Variants in GNL1 observed in about 807,000 individuals in gnomAD.
GNL1 encodes the protein guanine nucleotide-binding protein-like 1.
In GNL1, 21 loss-of-function variants were observed where a neutral mutation model predicts 75.2. That is an observed-to-expected ratio of 0.28 (90% CI 0.20 to 0.40). The LOEUF is 0.40. GNL1 is among the 10% of genes least tolerant of loss of function. The pLI, the probability that GNL1 is intolerant of heterozygous loss-of-function variation, is 1.00. For synonymous variants in GNL1, 287 were observed against 303.4 expected, an observed-to-expected ratio of 0.95 and a Z score of 0.56; for missense variants, 579 against 775.0, an observed-to-expected ratio of 0.75 and a Z score of 3.00.
At position 30,547,687 on chromosome 6, in the gene GNL1, G is replaced by A; in HGVS notation, c.1100-157C>T. 1.6e-6 allele frequency: 1 copy of A among 642,660 alleles called. No homozygotes were observed. Among genetic ancestry groups the A allele is most frequent in the Non-Finnish European group, 2.6e-6 (1 of 380,004 alleles). The allele number at this position is 642,660 out of a possible 1,614,324, so 39.8% of individuals were successfully genotyped here. On this transcript the variant is annotated intron_variant, in intron 8 of 11. Transcript: ENST00000376621. The surrounding 1 kb of genome is among the most constrained non-coding windows in gnomAD (Gnocchi z 5.5). ...CTCTGGGCTGCCAGGGTTAAATCCT[G>A]GCCCTTCCACTTACCAGCTTTGTGA...
In GNL1 at chr6:30,555,038, G is replaced by A. The variant is rs1403878514; in HGVS notation, c.376+17C>T. On this transcript the variant is annotated intron_variant, in intron 3 of 11. Transcript: ENST00000376621. This position sits in a 1 kb window ranked among gnomAD's most constrained non-coding sequence, Gnocchi z 4.3. ...AAACTCCTTCCCCAGCCCAATGCCT[G>A]TCTTGCTCTCACTCACCTGAGCCAG... 6.2e-7 allele frequency: 1 copy of A among 1,612,736 alleles called. No individual in the cohort carries two copies. Among genetic ancestry groups the A allele is most frequent in the Non-Finnish European group, 8.5e-7 (1 of 1,179,980 alleles).
chr6:30,544,751 T>C lies in GNL1; in HGVS notation c.*1321A>G, dbSNP rs1185538566. ...TTTAAATATACTTTCCTTTGCTCCT[T>C]GGTTAACAGGGTCTGTCTGCTCGCA... On this transcript the variant is annotated 3_prime_UTR_variant, in exon 12 of 12. Transcript: ENST00000376621. 1 of 152,296 alleles carries C rather than the reference T, an allele frequency of 6.6e-6. No individual in the cohort carries two copies. Among genetic ancestry groups the C allele is most frequent in the African/African-American group, 2.4e-5 (1 of 41,564 alleles). 9.4% of individuals were successfully genotyped at this position (152,296 alleles called of 1,614,324 possible).
rs1414331571 is a variant in GNL1, at chr6:30,543,196, G to GT, written c.*2875dup. 6.6e-6 allele frequency: 1 copy of GT among 152,126 alleles called. No individual in the cohort carries two copies. The highest frequency in any genetic ancestry group is 1.5e-5 in the Non-Finnish European group (1 of 68,040). 9.4% of individuals were successfully genotyped at this position (152,126 alleles called of 1,614,324 possible). A position where few individuals can be genotyped will look rare whatever the true frequency, so the allele number is the denominator to read the frequency against. ...CACAGACTACTGATTTTTTGTGTTTGTTTTGTTTTGGCAGTCTGACATAAC... is the reference window on the plus strand; with the variant it reads ...CACAGACTACTGATTTTTTGTGTTTGTTTTTGTTTTGGCAGTCTGACATAAC... On this transcript the variant is annotated 3_prime_UTR_variant, in exon 12 of 12. Transcript: ENST00000376621.
Position 30,546,094 on chromosome 6 carries a change from A to G in GNL1, c.1802T>C (p.Leu601Pro), listed in dbSNP as rs1212102297. The G allele has an allele frequency of 6.3e-7, 1 of 1,586,042 alleles. No individual in the cohort carries two copies. Among genetic ancestry groups the G allele is most frequent in the Non-Finnish European group, 8.6e-7 (1 of 1,166,990 alleles). Residue 601 changes from leucine to proline, a missense_variant, in exon 12 of 12, where the codon CTG (leucine) becomes CCG (proline). Physicochemically the swap from Leu to Pro is moderately conservative, Grantham distance 98. Transcript: ENST00000376621. This position sits in a 1 kb window ranked among gnomAD's most constrained non-coding sequence, Gnocchi z 5.1. ...SSLAGRNPYA[L>P]LGEDEC is the part of the protein sequence containing the mutation. Reference sequence around the variant, plus strand: ...AACTCAGCACTCATCCTCACCCAGCAGGGCATAAGGGTTTCGGCCAGCCAG... The same window carrying G: ...AACTCAGCACTCATCCTCACCCAGCGGGGCATAAGGGTTTCGGCCAGCCAG...
At position 30,555,465 on chromosome 6, in the gene GNL1, C is replaced by T; in HGVS notation, c.239+90G>A. 1 of 1,308,262 alleles carries T rather than the reference C, an allele frequency of 7.6e-7. No homozygotes were observed. Among genetic ancestry groups the T allele is most frequent in the Non-Finnish European group, 1.1e-6 (1 of 937,384 alleles). 81.0% of individuals were successfully genotyped at this position (1,308,262 alleles called of 1,614,324 possible). ...GAGAACTGTGGCATCCCAGGCCCAC[C>T]GTCTTCACCAGTAGCAGCCCGCTTT... On this transcript the variant is annotated intron_variant, in intron 2 of 11. Coordinates refer to ENST00000376621, the MANE Select transcript of GNL1 (RefSeq NM_005275.5). The surrounding 1 kb of genome is among the most constrained non-coding windows in gnomAD (Gnocchi z 4.3).
In GNL1 at chr6:30,556,123, G is replaced by A. The variant is rs1451000278; in HGVS notation, c.73+8C>T. The stretch of plus-strand genomic sequence containing the variant: ...AGCCCCGCCCCCTCCTCCCGCTCCC[G>A]CACTGACCTCTCTTCCGCTCCCGTT... On this transcript the variant is annotated splice_region_variant and intron_variant, in intron 1 of 11. Transcript: ENST00000376621. This position sits in a 1 kb window ranked among gnomAD's most constrained non-coding sequence, Gnocchi z 5.7. 1.9e-6 allele frequency: 3 copies of A among 1,598,714 alleles called. No homozygotes were observed. Among genetic ancestry groups the A allele is most frequent in the Non-Finnish European group, 1.7e-6 (2 of 1,175,298 alleles).
chr6:30,555,791 C>G lies in GNL1; in HGVS notation c.74-71G>C. ...GCCATAAGACCCTCTCCCCCATCGG[C>G]CTGACTCCCTTTCATCCCACTCAAC... On this transcript the variant is annotated intron_variant, in intron 1 of 11. Transcript: ENST00000376621. This position sits in a 1 kb window ranked among gnomAD's most constrained non-coding sequence, Gnocchi z 4.3. 1 of 1,478,422 alleles carries G rather than the reference C, an allele frequency of 6.8e-7. No homozygotes were observed. The highest frequency in any genetic ancestry group is 1.2e-5 in the South Asian group (1 of 83,806). 91.6% of individuals were successfully genotyped at this position (1,478,422 alleles called of 1,614,324 possible).
chr6:30,553,056 C>T (rs1310993867), intron 7 of GNL1, 28 bp downstream of exon 7: 4 of 1,480,066 alleles, frequency 2.7e-6, no homozygotes, highest in Non-Finnish European at 3.8e-6. Flanking sequence ...CCATGTCCTC[C>T]TACAGCCCTC....
At position 30,547,159 on chromosome 6, in the gene GNL1, T is replaced by C. The variant is rs1326441404; in HGVS notation, c.1394A>G (p.Glu465Gly). The C allele has an allele frequency of 1.2e-6, 2 of 1,612,976 alleles. No individual in the cohort carries two copies. Among genetic ancestry groups the C allele is most frequent in the Non-Finnish European group, 1.7e-6 (2 of 1,179,898 alleles). ...CCAGGGGTGTTCCGCTGAGGGGTCC[T>C]CAGCCTCTGGGTGGCGCAGGTGGAG... ...ALLHLRHPEAEDPSAEHPWCA... is the reference protein window; with the variant it reads ...ALLHLRHPEAGDPSAEHPWCA... Residue 465 changes from glutamate (E) to glycine (G), a missense_variant, in exon 10 of 12, where the codon GAG (glutamate) becomes GGG (glycine). Transcript: ENST00000376621. This position sits in a 1 kb window ranked among gnomAD's most constrained non-coding sequence, Gnocchi z 5.5.
rs1800181034 is a variant in GNL1, at chr6:30,556,261, G to GC, written c.-59dup. ...CGAGCTCCCGCCGCCTCAACTGACT[G>GC]CCCCCCGGGGCAGCCCCCGCCGCAG... On this transcript the variant is annotated 5_prime_UTR_variant, in exon 1 of 12. Transcript: ENST00000376621. The surrounding 1 kb of genome is among the most constrained non-coding windows in gnomAD (Gnocchi z 5.7). 21 of 1,543,618 alleles carry GC rather than the reference G, an allele frequency of 1.4e-5. No individual in the cohort carries two copies. Among genetic ancestry groups the GC allele is most frequent in the Middle Eastern group, 1.9e-4 (1 of 5,182 alleles).
At chr6:30,549,630 G>C (rs1283675901) in intron 8 of GNL1, among the ~76,000 whole-genome samples, 1 of 152,102 alleles carries the variant, frequency 6.6e-6, no homozygotes, top group Non-Finnish European at 1.5e-5. Context: ...TGGCCTGTCA[G>C]CAACAGTTGA....
chr6:30,553,300 C>T, intron 6 of GNL1, 50 bp downstream of exon 6: 3 of 1,517,816 alleles, frequency 2.0e-6, no homozygotes, highest in Non-Finnish European at 2.7e-6. Flanking sequence ...TCCCCTTTGT[C>T]CCCTGCCAAC....
chr6:30,546,531 A>G lies in GNL1; in HGVS notation c.1582+165T>C, dbSNP rs758708190. The G allele has an allele frequency of 3.3e-5, 23 of 706,894 alleles. No homozygotes were observed. In the Middle Eastern group the frequency reaches 9.7e-4, roughly 30 times the overall value. 43.8% of individuals were successfully genotyped at this position (706,894 alleles called of 1,614,324 possible). On this transcript the variant is annotated intron_variant, in intron 11 of 11. Coordinates refer to ENST00000376621, the MANE Select transcript of GNL1 (RefSeq NM_005275.5). The surrounding 1 kb of genome is among the most constrained non-coding windows in gnomAD (Gnocchi z 5.1). ...CTTTACAATCACTATGCTAAGGGTC[A>G]ATTATTACCCTCAGTTTGCAGATCA...
chr6:30,546,800 G>T lies in GNL1; in HGVS notation c.1478C>A (p.Ala493Glu). 1 of 1,593,396 alleles carries T rather than the reference G, an allele frequency of 6.3e-7. No homozygotes were observed. Among genetic ancestry groups the T allele is most frequent in the Non-Finnish European group, 8.6e-7 (1 of 1,164,794 alleles). ...AEKRGYKTAK[A>E]ARNDVYRAAN... ...TGCTCTGTACACATCATTCCGAGCC[G>T]CCTTGGCTGTCTTGTAACCACGTTT... The change falls in exon 11 of 12, where the codon GCG becomes GAG. Residue 493 changes from alanine (A) to glutamate (E), a missense_variant. By Grantham distance (107) the Ala-to-Glu change is moderately radical. Coordinates refer to ENST00000376621, the MANE Select transcript of GNL1 (RefSeq NM_005275.5). The surrounding 1 kb of genome is among the most constrained non-coding windows in gnomAD (Gnocchi z 5.1).
chr6:30,550,597 C>A (rs1484860075), intron 8 of GNL1, among the ~76,000 whole-genome samples: 1 of 152,142 alleles, frequency 6.6e-6, no homozygotes. Flanking sequence ...CACCCCCCAT[C>A]ATTTATTCTC....
At position 30,553,118 on chromosome 6, in the gene GNL1, C is replaced by T. The variant is rs1323970151; in HGVS notation, c.870G>A (p.Leu290=). Residue 290 remains leucine (L), a synonymous_variant, in exon 7 of 12, where the codon TTG becomes TTA. Transcript: ENST00000376621. Reference sequence around the variant, plus strand: ...CAGTGATGGCTTCACAGGCTCTCAGCAACTGCTCTGGCCCCAGGGCCCGAG... The same window carrying T: ...CAGTGATGGCTTCACAGGCTCTCAGTAACTGCTCTGGCCCCAGGGCCCGAG... ...GWTRALGPEQ[L]LRACEAITVG... 5.0e-6 allele frequency: 8 copies of T among 1,613,794 alleles called. No individual in the cohort carries two copies. The highest frequency in any genetic ancestry group is 1.3e-5 in the African/African-American group (1 of 74,926).
rs147799514 is a variant in GNL1 at position 30,547,175 on chromosome 6, G to A, written c.1378C>T (p.Arg460Cys). 12 of 1,612,948 alleles carry A rather than the reference G, an allele frequency of 7.4e-6. No homozygotes were observed. Among genetic ancestry groups the A allele is most frequent in the Non-Finnish European group, 9.3e-6 (11 of 1,179,690 alleles). Reference sequence around the variant, plus strand: ...GAGGGGTCCTCAGCCTCTGGGTGGCGCAGGTGGAGCAGGGCCTGCACGGGA... The same window carrying A: ...GAGGGGTCCTCAGCCTCTGGGTGGCACAGGTGGAGCAGGGCCTGCACGGGA... ...RIPVQALLHLRHPEAEDPSAE... is the reference protein window; with the variant it reads ...RIPVQALLHLCHPEAEDPSAE... Residue 460 changes from arginine (R) to cysteine (C), a missense_variant, in exon 10 of 12, where the codon CGC (arginine) becomes TGC (cysteine). By Grantham distance (180) the Arg-to-Cys change is radical (BLOSUM62 -3). Transcript: ENST00000376621. The surrounding 1 kb of genome is among the most constrained non-coding windows in gnomAD (Gnocchi z 5.5).
intron 8 of GNL1, among the ~76,000 whole-genome samples, chr6:30,549,402 A>C (rs1799636458): frequency 6.6e-6 from 1 of 152,192 alleles, no homozygotes; most frequent in Non-Finnish European, 1.5e-5. Context: ...TGACCTGTGT[A>C]TCTCTCAACA....
At chr6:30,549,361 A>C (rs60081418) in intron 8 of GNL1, among the ~76,000 whole-genome samples, 4,348 of 152,318 alleles carry the variant, frequency 0.029, 134 homozygotes, top group African/African-American at 0.074. Context: ...CCTTTTAAGG[A>C]AATCAACTCC....
Sources: gnomAD v4.1 joint callset for allele counts (sites outside exome capture counted in the v4.1 genomes callset) on GRCh38, gnomAD v4.1.1 for gene constraint, Gnocchi (gnomAD v3.1) non-coding constraint, MANE v1.5 for transcripts, NCBI Gene and HGNC (gene_info 2026-07-23, HGNC 2026-07-21) for gene names.